SNRNP25: variants seen among roughly 807,000 people sequenced by gnomAD.
The protein encoded by SNRNP25 is small nuclear ribonucleoprotein U11/U12 subunit 25.
In SNRNP25, 21 loss-of-function variants were observed where a neutral mutation model predicts 23.9. The ratio of observed to expected loss-of-function variants is 0.88; its 90% CI spans 0.62 to 1.27. SNRNP25 has a LOEUF of 1.27. Among genes scored for constraint, SNRNP25 ranks in the 50% most tolerant of loss-of-function variants. The pLI, the probability that SNRNP25 is intolerant of heterozygous loss-of-function variation, is 0.00. For synonymous variants in SNRNP25, 63 were observed against 60.4 expected (o/e 1.04, Z -0.20); for missense variants, 160 against 156.9 (o/e 1.02, Z -0.11).
At position 56,752 on chromosome 16, in the gene SNRNP25, C is replaced by G. The variant is rs533045186; in HGVS notation, c.314+139C>G. On this transcript the variant is annotated intron_variant, in intron 4 of 4. Coordinates refer to ENST00000293861, the MANE Select transcript of SNRNP25 (RefSeq NM_024571.4). Reference sequence around the variant, plus strand: ...AGGAGCTTCCTTGGGGCCCTCCCCACTAGGAGAATGGCAGGCAGAGGGCAG... The same window carrying G: ...AGGAGCTTCCTTGGGGCCCTCCCCAGTAGGAGAATGGCAGGCAGAGGGCAG... 74 of 908,930 alleles carry G rather than the reference C, an allele frequency of 8.1e-5. No individual in the cohort carries two copies. The African/African-American group carries it at 9.7e-4, about 12-fold the overall frequency. 56.3% of individuals were successfully genotyped at this position (908,930 alleles called of 1,614,324 possible). A position where few individuals can be genotyped will look rare whatever the true frequency, so the allele number is the denominator to read the frequency against.
chr16:56,599 A>C lies in SNRNP25; in HGVS notation c.300A>C (p.Arg100Ser), dbSNP rs1278270294. The C allele has an allele frequency of 2.5e-6, 4 of 1,614,012 alleles. No individual in the cohort carries two copies. Among genetic ancestry groups the C allele is most frequent in the South Asian group, 1.1e-5 (1 of 91,084 alleles). The change falls in exon 4 of 5, where the codon AGA becomes AGC. Residue 100 changes from arginine (R) to serine (S), a missense_variant. Transcript: ENST00000293861. ...CAGGAGAGAAACTCACGGAAGACAG[A>C]AAGAAGCTCCGAGAGTAAGTGCCGG... ...TSAGEKLTED[R>S]KKLRDYGIRN...
At chr16:56,638 C>T (rs745319487) in intron 4 of SNRNP25, 25 bp downstream of exon 4, 7 of 1,612,092 alleles carry the variant, frequency 4.3e-6, no homozygotes, top group African/African-American at 1.3e-5. Context: ...CGTCCTGAGC[C>T]GTAGGGCACC....
At position 55,152 on chromosome 16, in the gene SNRNP25, T is replaced by C. The variant is rs115733562; in HGVS notation, c.43-307T>C. ...GCCTGGGTCCTGATGATCAGGGATA[T>C]ACTCAGCGTGAACTGACAGGCCTCT... On this transcript the variant is annotated intron_variant, in intron 1 of 4. Coordinates refer to ENST00000293861, the MANE Select transcript of SNRNP25 (RefSeq NM_024571.4). 906 of 354,396 alleles carry C rather than the reference T, an allele frequency of 2.6e-3. 6 individuals carry two copies. The highest frequency in any genetic ancestry group is 0.018 in the African/African-American group (840 of 47,888). 22.0% of individuals were successfully genotyped at this position (354,396 alleles called of 1,614,324 possible).
At chr16:57,041 G>T (rs1331306585) in intron 4 of SNRNP25, 45 bp from the exon 5 acceptor site, 2 of 1,599,518 alleles carry the variant, frequency 1.3e-6, no homozygotes, top group Non-Finnish European at 1.7e-6. Context: ...TCACAGATAT[G>T]TCCTTCTGTA....
chr16:56,757 A>G, intron 4 of SNRNP25, 144 bp downstream of exon 4: 7 of 879,730 alleles, frequency 8.0e-6, no homozygotes, highest in Non-Finnish European at 1.2e-5. Context: ...CCCCACTAGG[A>G]GAATGGCAGG....
chr16:57,064 T>C (rs1897422137), intron 4 of SNRNP25, 22 bp from the exon 5 acceptor site: 5 of 1,614,028 alleles, frequency 3.1e-6, no homozygotes, highest in Non-Finnish European at 4.2e-6. Flanking sequence ...GCAGGTGCTT[T>C]ATGCCTTTCC....
At chr16:55,938 T>A in intron 3 of SNRNP25, 56 bp downstream of exon 3, 1 of 1,497,972 alleles carries the variant, frequency 6.7e-7, no homozygotes, top group Non-Finnish European at 9.2e-7. Context: ...GTGCCCTTCT[T>A]GGCACTGTCA....
chr16:56,044 C>G, intron 3 of SNRNP25, 162 bp downstream of exon 3: 1 of 704,288 alleles, frequency 1.4e-6, no homozygotes, highest in South Asian at 1.8e-5. Flanking sequence ...CTCCCTGTCA[C>G]AGACAGTGCG....
intron 1 of SNRNP25, 94 bp from the exon 2 acceptor site, chr16:55,365 C>A: frequency 9.1e-7 from 1 of 1,095,766 alleles, no homozygotes; most frequent in Non-Finnish European, 1.4e-6. Flanking sequence ...TAAAATGGAG[C>A]ACCACTTTTT....
chr16:54,173 C>A (rs905085272), intron 1 of SNRNP25, 115 bp downstream of exon 1: 8 of 1,181,528 alleles, frequency 6.8e-6, no homozygotes, highest in African/African-American at 1.5e-5. Flanking sequence ...CTGAGGAAGG[C>A]GCCTCTGGGC....
At chr16:55,436 C>A in intron 1 of SNRNP25, 23 bp from the exon 2 acceptor site, 4 of 1,610,128 alleles carry the variant, frequency 2.5e-6, no homozygotes, top group Non-Finnish European at 2.6e-6. Context: ...AGGGTTCCCA[C>A]TTCTGCCCTT....
chr16:54,141 G>C, intron 1 of SNRNP25, 83 bp downstream of exon 1: 2 of 1,456,104 alleles, frequency 1.4e-6, no homozygotes, highest in Non-Finnish European at 1.9e-6. Context: ...CGAAGGTGCT[G>C]GTGGGAGACT....
chr16:57,617 C>A lies in SNRNP25; in HGVS notation c.*474C>A. On this transcript the variant is annotated 3_prime_UTR_variant, in exon 5 of 5. Coordinates refer to ENST00000293861, the MANE Select transcript of SNRNP25 (RefSeq NM_024571.4). ...TCCCCAAACCACACAACTGTGTTAC[C>A]ATGATCTCCACAGCAAGGAGGAAAT... 5.8e-6 allele frequency: 1 copy of A among 171,456 alleles called. No homozygotes were observed. Among genetic ancestry groups the A allele is most frequent in the South Asian group, 1.5e-4 (1 of 6,628 alleles). 10.6% of individuals were successfully genotyped at this position (171,456 alleles called of 1,614,324 possible). A position where few individuals can be genotyped will look rare whatever the true frequency, so the allele number is the denominator to read the frequency against.
chr16:53,983 C>G lies in SNRNP25; in HGVS notation c.-34C>G, dbSNP rs1172242029. On this transcript the variant is annotated 5_prime_UTR_variant, in exon 1 of 5. Coordinates refer to ENST00000293861, the MANE Select transcript of SNRNP25 (RefSeq NM_024571.4). ...ACGAAGAAGAGGCGCTGCCGCACTCCGAGGCCATGGACGTGTTCCAGGAGG... is the reference window on the plus strand; with the variant it reads ...ACGAAGAAGAGGCGCTGCCGCACTCGGAGGCCATGGACGTGTTCCAGGAGG... 1 of 1,607,810 alleles carries G rather than the reference C, an allele frequency of 6.2e-7. No homozygotes were observed. Among genetic ancestry groups the G allele is most frequent in the African/African-American group, 1.3e-5 (1 of 74,878 alleles).
At chr16:56,233 T>C in intron 3 of SNRNP25, 1 of 685,530 alleles carries the variant, frequency 1.5e-6, no homozygotes. Flanking sequence ...TCCCATCCCC[T>C]TCTCACCTGG....
chr16:55,229 T>C (rs887993220), intron 1 of SNRNP25: 4 of 474,838 alleles, frequency 8.4e-6, no homozygotes, highest in African/African-American at 7.9e-5. Flanking sequence ...TGCCTGTTTC[T>C]TAGCACCTCT....
intron 4 of SNRNP25, 42 bp downstream of exon 4, chr16:56,655 C>G (rs1897414694): frequency 1.3e-6 from 2 of 1,596,506 alleles, no homozygotes; most frequent in Non-Finnish European, 1.7e-6. Flanking sequence ...CACCGCTGTT[C>G]TGTTGCCCCT....
In SNRNP25 at chr16:57,256, C is replaced by T; in HGVS notation, c.*113C>T. ...CAGAAAGGACGTTGTGGTGGCCTCA[C>T]CCCAGGCATGCCCAACAGTAACTGT... is the stretch of plus-strand genomic sequence containing the variant. On this transcript the variant is annotated 3_prime_UTR_variant, in exon 5 of 5. Transcript: ENST00000293861. 1 of 1,166,566 alleles carries T rather than the reference C, an allele frequency of 8.6e-7. No individual in the cohort carries two copies. Among genetic ancestry groups the T allele is most frequent in the South Asian group, 1.2e-5 (1 of 80,698 alleles). The allele number at this position is 1,166,566 out of a possible 1,614,324, so 72.3% of individuals were successfully genotyped here.
intron 3 of SNRNP25, chr16:56,240 CT>C: frequency 7.3e-6 from 5 of 688,526 alleles, no homozygotes. Context: ...CCCTTCTCAC[CT>C]GGGTGCTGTC....
Sources: allele counts gnomAD v4.1 joint callset, GRCh38; gene constraint gnomAD v4.1.1; transcripts MANE v1.5; gene names NCBI Gene and HGNC (gene_info 2026-07-23, HGNC 2026-07-21).